The following ZC3H12B variants were observed in gnomAD, a reference collection of about 807,000 sequenced individuals.
ZC3H12B encodes zinc finger CCCH-type containing 12B, also known as probable ribonuclease ZC3H12B.
ZC3H12B carries 7 observed loss-of-function variants against 43.9 expected under a neutral mutation model. That is an observed-to-expected ratio of 0.16 (90% CI 0.09 to 0.30). The LOEUF (loss-of-function observed/expected upper bound fraction) is 0.30, where lower values mean the gene tolerates loss of function less well. Among genes scored for constraint, ZC3H12B ranks in the 10% least tolerant of loss-of-function variants. The pLI is 1.00. For synonymous variants in ZC3H12B, 222 were observed against 241.7 expected (o/e 0.92, Z 0.76); for missense variants, 475 against 670.2 (o/e 0.71, Z 3.22).
chrX:65,107,367 C>A, the ZC3H12B span, among the ~76,000 whole-genome samples: 1 of 110,976 alleles, frequency 9.0e-6, no homozygotes, highest in Non-Finnish European at 1.9e-5. Flanking sequence ...TCAGTGTTAA[C>A]AAAGAGGCTA....
the ZC3H12B span, among the ~76,000 whole-genome samples, chrX:65,194,607 T>C: frequency 8.9e-6 from 1 of 112,007 alleles, no homozygotes; most frequent in Non-Finnish European, 1.9e-5. Context: ...GGTCTATCCT[T>C]AAGAATTATC....
the ZC3H12B span, among the ~76,000 whole-genome samples, chrX:65,119,458 G>T: frequency 2.7e-5 from 3 of 112,066 alleles, no homozygotes; most frequent in Non-Finnish European, 5.6e-5. Context: ...CTTTTGAGAA[G>T]TGTCCGTTCA....
At chrX:65,370,839 G>C (rs1055416380) in intron 2 of ZC3H12B, among the ~76,000 whole-genome samples, 10 of 112,265 alleles carry the variant, frequency 8.9e-5, no homozygotes. Context: ...GTGAACAGTA[G>C]TTTCATAACA....
chrX:65,200,089 T>C, the ZC3H12B span, among the ~76,000 whole-genome samples: 1 of 111,669 alleles, frequency 9.0e-6, no homozygotes, highest in Admixed American at 9.5e-5. Flanking sequence ...GTAAAAGCAT[T>C]ACTTTCTCCA....
At chrX:65,111,906 G>A in the ZC3H12B span, among the ~76,000 whole-genome samples, 1 of 111,145 alleles carries the variant, frequency 9.0e-6, no homozygotes, top group African/African-American at 3.3e-5. Context: ...GCCTCTAAAT[G>A]TTCAAGTGAA....
At chrX:65,119,199 G>A in the ZC3H12B span, among the ~76,000 whole-genome samples, 1 of 111,373 alleles carries the variant, frequency 9.0e-6, no homozygotes, top group Non-Finnish European at 1.9e-5. Flanking sequence ...GGTATTTCTA[G>A]TTCTAGATCC....
intron 3 of ZC3H12B, among the ~76,000 whole-genome samples, chrX:65,460,496 G>T (rs1015260611): frequency 1.8e-5 from 2 of 111,794 alleles, no homozygotes; most frequent in Admixed American, 1.9e-4. Flanking sequence ...GCATGGTACT[G>T]GTACCAAAAC....
the ZC3H12B span, among the ~76,000 whole-genome samples, chrX:65,048,693 T>G: frequency 3.0e-4 from 33 of 111,477 alleles, no homozygotes; most frequent in East Asian, 2.8e-3. Flanking sequence ...TTGGGTCATC[T>G]CATATAGTTA....
chrX:65,034,970 C>T, the ZC3H12B span, among the ~76,000 whole-genome samples: 2 of 112,596 alleles, frequency 1.8e-5, no homozygotes, highest in Non-Finnish European at 3.8e-5. Flanking sequence ...TAACGGCGGT[C>T]CCTCCAGAGG....
chrX:65,153,798 C>T, the ZC3H12B span, among the ~76,000 whole-genome samples: 1 of 111,073 alleles, frequency 9.0e-6, no homozygotes, highest in Admixed American at 9.6e-5. Flanking sequence ...TATTGTGGCA[C>T]TATTCACAAT....
chrX:65,115,566 T>C, the ZC3H12B span, among the ~76,000 whole-genome samples: 3 of 111,628 alleles, frequency 2.7e-5, no homozygotes, highest in African/African-American at 9.7e-5. Context: ...TCTGGGTAGA[T>C]ACCTAGTAGT....
chrX:65,312,768 A>C, the ZC3H12B span, among the ~76,000 whole-genome samples: 6 of 112,151 alleles, frequency 5.3e-5, no homozygotes, highest in Non-Finnish European at 1.1e-4. Flanking sequence ...AGGGAAAAGC[A>C]GCTCTCTGGG....
the ZC3H12B span, among the ~76,000 whole-genome samples, chrX:65,343,914 A>G: frequency 2.7e-5 from 3 of 112,281 alleles, no homozygotes; most frequent in South Asian, 1.1e-3. Flanking sequence ...ATGGTTATAC[A>G]TCTACAACAT....
chrX:65,142,513 A>G, the ZC3H12B span, among the ~76,000 whole-genome samples: 1 of 112,359 alleles, frequency 8.9e-6, no homozygotes, highest in African/African-American at 3.2e-5. Flanking sequence ...ACTAATTCCC[A>G]GCAATTTATC....
At chrX:65,135,750 C>CTT in the ZC3H12B span, among the ~76,000 whole-genome samples, 286 of 69,852 alleles carry the variant, frequency 4.1e-3, 3 homozygotes, top group African/African-American at 0.011. Context: ...TGTTTGTTTT[C>CTT]TTTTTTTTTT....
chrX:65,316,588 A>G, the ZC3H12B span, among the ~76,000 whole-genome samples: 4 of 111,926 alleles, frequency 3.6e-5, no homozygotes, highest in Admixed American at 9.5e-5. Context: ...ATTTTGAGAG[A>G]AGTATATACT....
chrX:65,280,030 A>G, the ZC3H12B span, among the ~76,000 whole-genome samples: 1 of 112,501 alleles, frequency 8.9e-6, no homozygotes, highest in Non-Finnish European at 1.9e-5. Context: ...TGAAGCAGAG[A>G]GAAATCTTTT....
the ZC3H12B span, among the ~76,000 whole-genome samples, chrX:65,294,812 A>G: frequency 9.0e-6 from 1 of 111,443 alleles, no homozygotes; most frequent in African/African-American, 3.3e-5. Flanking sequence ...ACAATCCTAA[A>G]TATATATGCA....
intron 3 of ZC3H12B, among the ~76,000 whole-genome samples, chrX:65,476,508 T>A (rs190701665): frequency 8.9e-6 from 1 of 111,814 alleles, no homozygotes; most frequent in African/African-American, 3.2e-5. Context: ...AGTCACACAA[T>A]AGAGTTTTCA....
Sources: gnomAD v4.1 joint callset for allele counts (sites outside exome capture counted in the v4.1 genomes callset) on GRCh38, gnomAD v4.1.1 for gene constraint, MANE v1.5 for transcripts, NCBI Gene and HGNC (gene_info 2026-07-23, HGNC 2026-07-21) for gene names.